Variants in EIF4G3 observed in about 807,000 individuals in gnomAD.
The protein encoded by EIF4G3 is eIF-4-gamma 3.
EIF4G3 carries 34 observed loss-of-function variants against 186.4 expected under a neutral mutation model. That is an observed-to-expected ratio of 0.18 (90% CI 0.14 to 0.24). EIF4G3 has a LOEUF of 0.24. Ranked by LOEUF, EIF4G3 falls within the 10% of genes least tolerant of loss-of-function variation. The pLI is 1.00. For missense variants in EIF4G3, 1,536 were observed against 1,948.5 expected, an observed-to-expected ratio of 0.79 and a Z score of 3.99; for synonymous variants, 673 against 679.5, an observed-to-expected ratio of 0.99 and a Z score of 0.15.
rs150657234 is a variant in EIF4G3 at position 21,153,646 on chromosome 1, C to G, written c.-272+22529G>C. Among the ~76,000 whole-genome samples the G allele has an allele frequency of 4.3e-4, 65 of 152,222 alleles. No homozygotes were observed. In the East Asian group the frequency reaches 0.011, roughly 25 times the overall value. On this transcript the variant is annotated intron_variant, in intron 2 of 36. Coordinates refer to ENST00000602326, the MANE Select transcript of EIF4G3 (RefSeq NM_001391906.1). ...ATTGCACAATTTTGGCTCAGGGGAA[C>G]CTCCGCCTCCCAGGTTCAAGTGATT...
chr1:20,889,591 C>T (rs2085313571), intron 18 of EIF4G3, among the ~76,000 whole-genome samples: 1 of 152,150 alleles, frequency 6.6e-6, no homozygotes, highest in Middle Eastern at 3.4e-3. Context: ...CCCGGGCTTA[C>T]ACCATTCTCC....
intron 3 of EIF4G3, among the ~76,000 whole-genome samples, chr1:21,076,487 C>T (rs1372240661): frequency 6.6e-6 from 1 of 151,808 alleles, no homozygotes; most frequent in Non-Finnish European, 1.5e-5. Context: ...AAGATCCCAT[C>T]TCAAAAAATA....
chr1:20,923,392 C>A (rs183952022), intron 14 of EIF4G3, among the ~76,000 whole-genome samples: 1 of 152,104 alleles, frequency 6.6e-6, no homozygotes, highest in Non-Finnish European at 1.5e-5. Flanking sequence ...GTTTTTACTG[C>A]TCTGTGTTTT....
chr1:21,001,572 T>A (rs2083505877), intron 5 of EIF4G3, among the ~76,000 whole-genome samples: 1 of 152,076 alleles, frequency 6.6e-6, no homozygotes, highest in Non-Finnish European at 1.5e-5. Context: ...CAAACCACTC[T>A]CATAACAAAA....
intron 29 of EIF4G3, among the ~76,000 whole-genome samples, chr1:20,844,062 G>A (rs1232874586): frequency 6.6e-6 from 1 of 152,144 alleles, no homozygotes; most frequent in East Asian, 1.9e-4. Context: ...ATCGTTGATG[G>A]GCATTTAGGT....
At chr1:20,889,461 A>T (rs2085255638) in intron 18 of EIF4G3, among the ~76,000 whole-genome samples, 1 of 152,186 alleles carries the variant, frequency 6.6e-6, no homozygotes, top group Non-Finnish European at 1.5e-5. Flanking sequence ...TGATGTCCGC[A>T]AAAAGACTAC....
At chr1:20,883,537 A>G (rs1245887289) in intron 19 of EIF4G3, among the ~76,000 whole-genome samples, 2 of 152,098 alleles carry the variant, frequency 1.3e-5, no homozygotes, top group East Asian at 3.9e-4. Flanking sequence ...GAATCACTTG[A>G]ACCTGGGAGG....
intron 2 of EIF4G3, among the ~76,000 whole-genome samples, chr1:21,094,765 T>TATAATAATAATAATA (rs368168938): frequency 6.3e-4 from 89 of 140,888 alleles, no homozygotes; most frequent in South Asian, 1.6e-3. Context: ...GAACTTAAAG[T>TATAATAATAATAATA]ATAATAATAA....
chr1:21,085,153 A>G (rs542120662), intron 3 of EIF4G3, among the ~76,000 whole-genome samples: 24 of 151,868 alleles, frequency 1.6e-4, no homozygotes, highest in Non-Finnish European at 3.4e-4. Flanking sequence ...AAGACAAGCT[A>G]CACTCCAAAA....
intron 3 of EIF4G3, among the ~76,000 whole-genome samples, chr1:21,067,938 AAAAAT>A (rs1254534953): frequency 3.3e-5 from 5 of 152,000 alleles, no homozygotes; most frequent in Non-Finnish European, 5.9e-5. Flanking sequence ...TAAATAAACA[AAAAAT>A]AAAATAAAAA....
At chr1:21,004,264 T>G (rs543964099) in intron 4 of EIF4G3, among the ~76,000 whole-genome samples, 130 of 152,334 alleles carry the variant, frequency 8.5e-4, no homozygotes, top group African/African-American at 2.9e-3. Context: ...AGTGATAATG[T>G]AATACACACG....
At chr1:21,156,973 G>C (rs1324849578) in intron 2 of EIF4G3, among the ~76,000 whole-genome samples, 1 of 152,090 alleles carries the variant, frequency 6.6e-6, no homozygotes, top group Non-Finnish European at 1.5e-5. Context: ...CAGAAGTACT[G>C]CGTGAGCCTG....
At chr1:20,952,160 T>C (rs1357269237) in intron 12 of EIF4G3, among the ~76,000 whole-genome samples, 1 of 150,226 alleles carries the variant, frequency 6.7e-6, no homozygotes, top group East Asian at 2.0e-4. Flanking sequence ...AACACTTTTT[T>C]TTTTTTTTTT....
At chr1:21,034,078 G>C (rs189843145) in intron 4 of EIF4G3, among the ~76,000 whole-genome samples, 224 of 152,288 alleles carry the variant, frequency 1.5e-3, no homozygotes, top group African/African-American at 5.2e-3. Context: ...CTGGATGACA[G>C]AGGGAGACTG....
At chr1:20,819,715 G>C (rs1259197680) in intron 33 of EIF4G3, among the ~76,000 whole-genome samples, 1 of 152,046 alleles carries the variant, frequency 6.6e-6, no homozygotes, top group Admixed American at 6.6e-5. Flanking sequence ...AGAAGATCAG[G>C]AAAAATAACT....
chr1:21,125,765 T>TAC (rs1212580615), intron 2 of EIF4G3, among the ~76,000 whole-genome samples: 37 of 122,728 alleles, frequency 3.0e-4, no homozygotes, highest in African/African-American at 1.1e-3. Context: ...TTTTTTTATA[T>TAC]ATATATACAC....
At chr1:21,022,852 A>C (rs567573273) in intron 4 of EIF4G3, among the ~76,000 whole-genome samples, 4 of 152,320 alleles carry the variant, frequency 2.6e-5, no homozygotes, top group African/African-American at 9.6e-5. Context: ...GATATGGCCA[A>C]CAGATCCCCT....
intron 2 of EIF4G3, among the ~76,000 whole-genome samples, chr1:21,135,688 T>C (rs1342333996): frequency 6.6e-6 from 1 of 152,186 alleles, no homozygotes; most frequent in Non-Finnish European, 1.5e-5. Flanking sequence ...CTACTGATGG[T>C]GTACACATTT....
intron 14 of EIF4G3, among the ~76,000 whole-genome samples, chr1:20,921,811 T>C (rs1045023412): frequency 1.3e-5 from 2 of 152,234 alleles, no homozygotes; most frequent in Non-Finnish European, 2.9e-5. Context: ...GCTTTTCTCA[T>C]CATGCTTCAG....
Sources: gnomAD v4.1 joint callset for allele counts (sites outside exome capture counted in the v4.1 genomes callset) on GRCh38, gnomAD v4.1.1 for gene constraint, MANE v1.5 for transcripts, NCBI Gene and HGNC (gene_info 2026-07-23, HGNC 2026-07-21) for gene names.